Variants in MSI2 observed in about 807,000 individuals in gnomAD.
MSI2 encodes the protein musashi RNA binding protein 2.
Under a neutral mutation model 45.6 loss-of-function variants are expected in MSI2, and 17 were observed. The observed-to-expected ratio is 0.37, with a 90% confidence interval of 0.26 to 0.56. The LOEUF is 0.56. Among genes scored for constraint, MSI2 ranks in the 20% least tolerant of loss-of-function variants. The pLI, the probability that MSI2 is intolerant of heterozygous loss-of-function variation, is 0.77. For missense variants in MSI2, 293 were observed against 444.2 expected, an observed-to-expected ratio of 0.66 and a Z score of 3.06; for synonymous variants, 156 against 158.2, an observed-to-expected ratio of 0.99 and a Z score of 0.11.
At chr17:57,587,352 C>T (rs1040906702) in intron 7 of MSI2, among the ~76,000 whole-genome samples, 2 of 152,204 alleles carry the variant, frequency 1.3e-5, no homozygotes, top group African/African-American at 2.4e-5. Flanking sequence ...GGTTGGCCAG[C>T]GCATCCCTGA....
intron 10 of MSI2, among the ~76,000 whole-genome samples, chr17:57,649,000 C>T (rs577388400): frequency 6.6e-6 from 1 of 152,304 alleles, no homozygotes; most frequent in African/African-American, 2.4e-5. Flanking sequence ...CCTCAGGCCC[C>T]TCCTGTGTCC....
In MSI2 at chr17:57,627,916, G is replaced by T. The variant is rs1908963690; in HGVS notation, c.727+613G>T. ...GAGCCCATGGTGATGCCCGCCACATGCCAGGGCTGCTCCAGCTCCAACTCC... is the reference window on the plus strand; with the variant it reads ...GAGCCCATGGTGATGCCCGCCACATTCCAGGGCTGCTCCAGCTCCAACTCC... On this transcript the variant is annotated intron_variant, in intron 10 of 13. Coordinates refer to ENST00000284073, the MANE Select transcript of MSI2 (RefSeq NM_138962.4). This position sits in a 1 kb window ranked among gnomAD's most constrained non-coding sequence, Gnocchi z 4.6. The T allele has an allele frequency of 1.3e-5, 2 of 153,420 alleles. No individual in the cohort carries two copies. The highest frequency in any genetic ancestry group is 6.5e-5 in the Admixed American group (1 of 15,462). 9.5% of individuals were successfully genotyped at this position (153,420 alleles called of 1,614,324 possible). A position where few individuals can be genotyped will look rare whatever the true frequency, so the allele number is the denominator to read the frequency against.
At chr17:57,418,656 G>A (rs1198359982) in intron 6 of MSI2, among the ~76,000 whole-genome samples, 1 of 152,226 alleles carries the variant, frequency 6.6e-6, no homozygotes, top group Non-Finnish European at 1.5e-5. Context: ...GCAAAGGCTT[G>A]CTCGTCATGC....
intron 7 of MSI2, among the ~76,000 whole-genome samples, chr17:57,541,994 A>G (rs773777566): frequency 1.1e-4 from 16 of 152,122 alleles, no homozygotes; most frequent in Non-Finnish European, 2.4e-4. Context: ...CATCCGATTT[A>G]TTATCTCGGA....
intron 5 of MSI2, among the ~76,000 whole-genome samples, chr17:57,397,761 G>A (rs561056934): frequency 2.6e-5 from 4 of 152,268 alleles, no homozygotes; most frequent in Non-Finnish European, 2.9e-5. Context: ...CAGCCCTGTC[G>A]CCCCCATAGC....
chr17:57,482,951 G>A (rs150883513), intron 6 of MSI2, among the ~76,000 whole-genome samples: 31 of 152,292 alleles, frequency 2.0e-4, no homozygotes, highest in African/African-American at 6.3e-4. Context: ...CTGAGAGTCC[G>A]GCTGTGTGTG....
chr17:57,435,881 C>T (rs981994169), intron 6 of MSI2, among the ~76,000 whole-genome samples: 1 of 152,168 alleles, frequency 6.6e-6, no homozygotes, highest in African/African-American at 2.4e-5. Context: ...CCAGGAACTG[C>T]CACACTCTTA....
At chr17:57,355,189 C>T (rs1024588791) in intron 5 of MSI2, among the ~76,000 whole-genome samples, 2 of 152,200 alleles carry the variant, frequency 1.3e-5, no homozygotes, top group African/African-American at 4.8e-5. Flanking sequence ...TGTGGGTTGG[C>T]CTCATTCACT....
Position 57,256,686 on chromosome 17 carries a change from G to T in MSI2, c.-57G>T. On this transcript the variant is annotated 5_prime_UTR_variant, in exon 1 of 14. Transcript: ENST00000284073. Reference sequence around the variant, plus strand: ...GGGGCTCGGAGCCGGCCGCCGCTCCGCTCCGATCGCTGTGGGGCTTGGTTT... The same window carrying T: ...GGGGCTCGGAGCCGGCCGCCGCTCCTCTCCGATCGCTGTGGGGCTTGGTTT... 9.1e-6 allele frequency: 7 copies of T among 770,332 alleles called. No homozygotes were observed. Among genetic ancestry groups the T allele is most frequent in the Non-Finnish European group, 1.2e-5 (7 of 564,308 alleles). The allele number at this position is 770,332 out of a possible 1,614,324, so 47.7% of individuals were successfully genotyped here.
intron 6 of MSI2, among the ~76,000 whole-genome samples, chr17:57,504,269 G>C (rs190198289): frequency 6.6e-6 from 1 of 152,050 alleles, no homozygotes; most frequent in Non-Finnish European, 1.5e-5. Flanking sequence ...GTGCCCTCCC[G>C]TTATGACCTC....
chr17:57,465,779 G>T (rs2085319340), intron 6 of MSI2, among the ~76,000 whole-genome samples: 1 of 152,106 alleles, frequency 6.6e-6, no homozygotes, highest in Non-Finnish European at 1.5e-5. Flanking sequence ...GAACAGCCCA[G>T]AAACCCAAAC....
chr17:57,498,535 G>T (rs1418032774), intron 6 of MSI2, among the ~76,000 whole-genome samples: 1 of 152,220 alleles, frequency 6.6e-6, no homozygotes, highest in Non-Finnish European at 1.5e-5. Context: ...GTACCAAAAT[G>T]TGGGATGGAA....
chr17:57,467,324 A>G (rs1860770571), intron 6 of MSI2, among the ~76,000 whole-genome samples: 1 of 152,164 alleles, frequency 6.6e-6, no homozygotes, highest in African/African-American at 2.4e-5. Context: ...AAAGCATTGG[A>G]TGGATGGAAA....
intron 5 of MSI2, among the ~76,000 whole-genome samples, chr17:57,361,387 G>A (rs986710848): frequency 1.3e-5 from 2 of 151,978 alleles, no homozygotes; most frequent in African/African-American, 4.8e-5. Context: ...GATGGACTGA[G>A]CTCAGAAGTT....
intron 10 of MSI2, among the ~76,000 whole-genome samples, chr17:57,645,964 C>T (rs1205514349): frequency 6.6e-6 from 1 of 152,194 alleles, no homozygotes; most frequent in Admixed American, 6.5e-5. Flanking sequence ...GAATGTGCCC[C>T]CACTGGGGTG....
chr17:57,592,931 G>A (rs78580436), intron 7 of MSI2, among the ~76,000 whole-genome samples: 1,711 of 152,260 alleles, frequency 0.011, 23 homozygotes, highest in African/African-American at 0.039. Context: ...TTTGCAGCAG[G>A]AAAGCAGCTT....
chr17:57,358,189 CTG>C (rs1278459037), intron 5 of MSI2, among the ~76,000 whole-genome samples: 1 of 60,318 alleles, frequency 1.7e-5, no homozygotes, highest in Non-Finnish European at 3.7e-5. Flanking sequence ...GTGGGTTTTT[CTG>C]TGTGTGTGGG....
intron 8 of MSI2, among the ~76,000 whole-genome samples, chr17:57,600,593 T>C (rs1204396815): frequency 6.6e-6 from 1 of 152,160 alleles, no homozygotes; most frequent in Non-Finnish European, 1.5e-5. Flanking sequence ...TGGAGTTCCT[T>C]CTCTACCATG....
intron 7 of MSI2, among the ~76,000 whole-genome samples, chr17:57,533,057 T>C (rs1317022305): frequency 1.3e-5 from 2 of 152,190 alleles, no homozygotes; most frequent in Non-Finnish European, 2.9e-5. Flanking sequence ...CCATTCAGTC[T>C]CCACTTGCTG....
Sources: gnomAD v4.1 joint callset for allele counts (sites outside exome capture counted in the v4.1 genomes callset) on GRCh38, gnomAD v4.1.1 for gene constraint, Gnocchi (gnomAD v3.1) non-coding constraint, MANE v1.5 for transcripts, NCBI Gene and HGNC (gene_info 2026-07-23, HGNC 2026-07-21) for gene names.